ADAMTS16: variants seen among roughly 807,000 people sequenced by gnomAD.
ADAMTS16 encodes A disintegrin and metalloproteinase with thrombospondin motifs 16.
Under a neutral mutation model 145.8 loss-of-function variants are expected in ADAMTS16, and 94 were observed. That is an observed-to-expected ratio of 0.64 (90% CI 0.55 to 0.77). The LOEUF (loss-of-function observed/expected upper bound fraction) is 0.77, where lower values mean the gene tolerates loss of function less well. Ranked by LOEUF, ADAMTS16 falls within the 30% of genes least tolerant of loss-of-function variation. ADAMTS16 has a pLI of 0.00. For synonymous variants in ADAMTS16, 659 were observed against 604.3 expected, an observed-to-expected ratio of 1.09 and a Z score of -1.33; for missense variants, 1,585 against 1,591.5, an observed-to-expected ratio of 1.00 and a Z score of 0.07.
chr5:5,191,935 G>A, intron 8 of ADAMTS16, 145 bp downstream of exon 8: 1 of 614,834 alleles, frequency 1.6e-6, no homozygotes. Context: ...ATAAAATGCT[G>A]TCACTTAGGA....
chr5:5,240,000 G>C, intron 16 of ADAMTS16, 75 bp downstream of exon 16: 37 of 1,557,438 alleles, frequency 2.4e-5, no homozygotes, highest in Non-Finnish European at 2.9e-5. Context: ...AATGGCTGTT[G>C]GCATAATTTT....
chr5:5,166,104 A>G (rs537572075), intron 3 of ADAMTS16, among the ~76,000 whole-genome samples: 24 of 152,080 alleles, frequency 1.6e-4, no homozygotes, highest in Admixed American at 4.6e-4. Context: ...ACTCTAAAAT[A>G]TCTCTTTTTT....
chr5:5,229,887 G>T (rs934671270), intron 11 of ADAMTS16, among the ~76,000 whole-genome samples: 2 of 152,186 alleles, frequency 1.3e-5, no homozygotes, highest in African/African-American at 4.8e-5. Flanking sequence ...TCTGGGAAAT[G>T]ATTGTTAATG....
At chr5:5,318,935 G>A (rs1371111677) in intron 22 of ADAMTS16, 88 bp from the exon 23 acceptor site, 33 of 968,176 alleles carry the variant, frequency 3.4e-5, no homozygotes, top group South Asian at 8.5e-5. Flanking sequence ...TGACAAATTC[G>A]CTTTTATTTG....
chr5:5,239,282 C>T lies in ADAMTS16; in HGVS notation c.2278+8C>T. On this transcript the variant is annotated splice_region_variant and intron_variant, in intron 15 of 22. Coordinates refer to ENST00000274181, the MANE Select transcript of ADAMTS16 (RefSeq NM_139056.4). ...AGCACCACCACACCAACCGTGAGTA[C>T]TTTAGAGCTGCCTGCAAGCCTTGGG... is the stretch of plus-strand genomic sequence containing the variant. The T allele has an allele frequency of 6.5e-7, 1 of 1,540,548 alleles. No individual in the cohort carries two copies. Among genetic ancestry groups the T allele is most frequent in the Non-Finnish European group, 8.7e-7 (1 of 1,149,158 alleles).
chr5:5,256,924 T>C (rs1737803397), intron 17 of ADAMTS16, among the ~76,000 whole-genome samples: 1 of 152,214 alleles, frequency 6.6e-6, no homozygotes, highest in African/African-American at 2.4e-5. Flanking sequence ...TAATTTTCAT[T>C]TGTATTCATT....
Position 5,186,076 on chromosome 5 carries a change from A to T in ADAMTS16, c.788A>T (p.Asp263Val), listed in dbSNP as rs752118719. ...KKYMPQPPKE[D>V]LFILPDEYKS... ...GACATGCCCCAGCCTCCCAAGGAAG[A>T]CCTCTTCATCTTGCCAGATGAGTAT... The change falls in exon 5 of 23, where the codon GAC becomes GTC. Residue 263 changes from aspartate (D) to valine (V), a missense_variant. Physicochemically the swap from Asp to Val is radical, Grantham distance 152. Around this residue, in one of 3 missense-constraint regions of ADAMTS16, gnomAD observed 453 missense variants for 412.1 expected, o/e 1.10. Transcript: ENST00000274181. 1.2e-6 allele frequency: 2 copies of T among 1,613,692 alleles called. No individual in the cohort carries two copies. Among genetic ancestry groups the T allele is most frequent in the African/African-American group, 1.3e-5 (1 of 74,910 alleles).
chr5:5,221,878 T>A (rs781503119), intron 10 of ADAMTS16, among the ~76,000 whole-genome samples: 1 of 152,234 alleles, frequency 6.6e-6, no homozygotes, highest in African/African-American at 2.4e-5. Flanking sequence ...TTGCATTTTC[T>A]TCATGACATG....
At chr5:5,229,248 A>T (rs920956269) in intron 11 of ADAMTS16, among the ~76,000 whole-genome samples, 8 of 139,976 alleles carry the variant, frequency 5.7e-5, no homozygotes, top group African/African-American at 2.2e-4. Context: ...CAGTGAGCCG[A>T]GATTGCGCCA....
chr5:5,174,372 ATT>A (rs369486786), intron 3 of ADAMTS16, among the ~76,000 whole-genome samples: 1 of 146,138 alleles, frequency 6.8e-6, no homozygotes, highest in African/African-American at 2.5e-5. Context: ...TGCTTTTAGG[ATT>A]TTTTTTTTCT....
At chr5:5,182,574 G>A (rs1198927111) in intron 4 of ADAMTS16, among the ~76,000 whole-genome samples, 1 of 152,152 alleles carries the variant, frequency 6.6e-6, no homozygotes, top group Admixed American at 6.5e-5. Flanking sequence ...GTGTGCAGAA[G>A]TGCAGAATCT....
Position 5,306,669 on chromosome 5 carries a change from C to A in ADAMTS16, c.3352C>A (p.Pro1118Thr). ...ACAPLPCPRH[P>T]PFAAAGPSRG... ...CGCCCCGCTTCCATGCCCCAGGCACCCCCCATTTGCTGCTGCGGGACCCTC... is the reference window on the plus strand; with the variant it reads ...CGCCCCGCTTCCATGCCCCAGGCACACCCCATTTGCTGCTGCGGGACCCTC... The change falls in exon 21 of 23, where the codon CCC (proline) becomes ACC (threonine). Residue 1118 changes from proline to threonine, a missense_variant. Pro to Thr is a conservative substitution (Grantham distance 38). Transcript: ENST00000274181. The A allele has an allele frequency of 6.2e-7, 1 of 1,614,014 alleles. No individual in the cohort carries two copies.
intron 14 of ADAMTS16, among the ~76,000 whole-genome samples, chr5:5,238,013 C>T (rs34749956): frequency 0.015 from 2,331 of 152,272 alleles, 21 homozygotes; most frequent in Middle Eastern, 0.031. Context: ...CTAGTTCTCG[C>T]TTCCCCTAAA....
intron 14 of ADAMTS16, among the ~76,000 whole-genome samples, chr5:5,237,355 G>C (rs940352995): frequency 6.6e-6 from 1 of 152,288 alleles, no homozygotes; most frequent in South Asian, 2.1e-4. Flanking sequence ...GGGCTCCTAG[G>C]AGAAGGGAAC....
chr5:5,234,314 G>A (rs1737028941), intron 12 of ADAMTS16, among the ~76,000 whole-genome samples: 1 of 152,188 alleles, frequency 6.6e-6, no homozygotes, highest in Non-Finnish European at 1.5e-5. Context: ...GGTCTTGAAA[G>A]CAAAGTCATT....
intron 18 of ADAMTS16, among the ~76,000 whole-genome samples, chr5:5,297,884 A>C (rs1739611303): frequency 6.6e-6 from 1 of 152,192 alleles, no homozygotes; most frequent in Non-Finnish European, 1.5e-5. Flanking sequence ...GGTTTCACAA[A>C]TCGGGCAAAG....
Position 5,306,679 on chromosome 5 carries a change from C to T in ADAMTS16, c.3362C>T (p.Ala1121Val). The change falls in exon 21 of 23, where the codon GCT becomes GTT. Residue 1121 changes from alanine to valine, a missense_variant. Physicochemically the swap from Ala to Val is moderately conservative, Grantham distance 64. Transcript: ENST00000274181. ...CCATGCCCCAGGCACCCCCCATTTG[C>T]TGCTGCGGGACCCTCGAGGGGCAGC... The part of the protein sequence containing the change: ...PLPCPRHPPF[A>V]AAGPSRGSWF... 6.2e-7 allele frequency: 1 copy of T among 1,613,912 alleles called. No homozygotes were observed. The highest frequency in any genetic ancestry group is 8.5e-7 in the Non-Finnish European group (1 of 1,179,972).
At chr5:5,283,594 A>G (rs982596856) in intron 18 of ADAMTS16, among the ~76,000 whole-genome samples, 2 of 152,134 alleles carry the variant, frequency 1.3e-5, no homozygotes, top group Non-Finnish European at 2.9e-5. Flanking sequence ...CCTGGGCTCA[A>G]TAGGCAAAAG....
At chr5:5,249,133 G>T (rs1194456992) in intron 17 of ADAMTS16, among the ~76,000 whole-genome samples, 2 of 152,148 alleles carry the variant, frequency 1.3e-5, no homozygotes, top group African/African-American at 4.8e-5. Context: ...CAGGAGTGCT[G>T]ATGTCAAATA....
Sources: allele counts gnomAD v4.1 joint callset (sites outside exome capture counted in the v4.1 genomes callset), GRCh38; gene constraint gnomAD v4.1.1; regional missense constraint gnomAD v4.1.1; transcripts MANE v1.5; gene names NCBI Gene and HGNC (gene_info 2026-07-23, HGNC 2026-07-21).